The following NCOA1 variants were observed in gnomAD, a reference collection of about 807,000 sequenced individuals.
The protein encoded by NCOA1 is Hin-2 protein.
NCOA1 carries 35 observed loss-of-function variants against 150.9 expected under a neutral mutation model. The observed-to-expected ratio is 0.23, with a 90% CI of 0.18 to 0.31. The LOEUF is 0.31. Ranked by LOEUF, NCOA1 falls within the 10% of genes least tolerant of loss-of-function variation. NCOA1 has a pLI of 1.00. For missense variants in NCOA1, 1,491 were observed against 1,749.3 expected (o/e 0.85, Z 2.63); for synonymous variants, 590 against 630.0 (o/e 0.94, Z 0.95).
In NCOA1 at chr2:24,599,325, T is replaced by A. The variant is rs781247152; in HGVS notation, c.-175+14765T>A. ...GTATCTTCCTATTAAGGGATGTTAT[T>A]CTACTAGGGGAAACTGGCATACTTT... On this transcript the variant is annotated intron_variant, in intron 3 of 22. Coordinates refer to ENST00000348332, the MANE Select transcript of NCOA1 (RefSeq NM_003743.5). 3.0e-4 allele frequency among the ~76,000 whole-genome samples: 46 copies of A among 152,206 alleles called. 1 individual carries two copies. Among genetic ancestry groups the A allele is most frequent in the Admixed American group, 4.6e-4 (7 of 15,278 alleles).
At chr2:24,675,333 ATATCT>A (rs745589520) in intron 7 of NCOA1, among the ~76,000 whole-genome samples, 3 of 152,228 alleles carry the variant, frequency 2.0e-5, no homozygotes, top group South Asian at 2.1e-4. Flanking sequence ...TGAAATCAAA[ATATCT>A]TAAGGAGGCT....
intron 11 of NCOA1, among the ~76,000 whole-genome samples, chr2:24,704,580 C>G (rs969093590): frequency 2.0e-5 from 3 of 152,058 alleles, no homozygotes; most frequent in Non-Finnish European, 4.4e-5. Context: ...AGTTCAAGAC[C>G]AGCCTGACCA....
chr2:24,601,480 G>T (rs1668113713), intron 3 of NCOA1, among the ~76,000 whole-genome samples: 2 of 152,104 alleles, frequency 1.3e-5, no homozygotes. Context: ...CTCCCAAAGT[G>T]CTGGGATTAC....
chr2:24,738,748 C>T (rs1558328428), intron 17 of NCOA1, among the ~76,000 whole-genome samples: 1 of 152,200 alleles, frequency 6.6e-6, no homozygotes, highest in Non-Finnish European at 1.5e-5. Flanking sequence ...GCACAGCATG[C>T]TGTTTTCCCA....
chr2:24,717,026 A>C (rs890140540), intron 14 of NCOA1, among the ~76,000 whole-genome samples: 1 of 152,234 alleles, frequency 6.6e-6, no homozygotes. Context: ...CACCTCACCA[A>C]AGAAGATATA....
intron 1 of NCOA1, among the ~76,000 whole-genome samples, chr2:24,553,444 G>C (rs4635488): frequency 0.84 from 127,949 of 152,108 alleles, 54,678 homozygotes; most frequent in East Asian, 0.99. Context: ...GTCCCAAACT[G>C]CTGACCTCAA....
chr2:24,768,824 G>A lies in NCOA1; in HGVS notation c.*433G>A, dbSNP rs1401741180. The A allele has an allele frequency of 5.3e-5, 12 of 225,184 alleles. 1 individual carries two copies. In the South Asian group the frequency reaches 5.5e-4, roughly 10 times the overall value. The allele number at this position is 225,184 out of a possible 1,614,324, so 13.9% of individuals were successfully genotyped here. On this transcript the variant is annotated 3_prime_UTR_variant, in exon 23 of 23. Coordinates refer to ENST00000348332, the MANE Select transcript of NCOA1 (RefSeq NM_003743.5). ...GGCCCGTGGGGCTTTGCCTGTGCCC[G>A]TCCACCAAAGGCTGTCATGTGTCTC... is the stretch of plus-strand genomic sequence containing the variant.
At chr2:24,606,925 T>G (rs183252187) in intron 3 of NCOA1, among the ~76,000 whole-genome samples, 2 of 152,228 alleles carry the variant, frequency 1.3e-5, no homozygotes, top group Non-Finnish European at 2.9e-5. Flanking sequence ...GAGCAATGCA[T>G]AACTTCTCAA....
At chr2:24,589,950 A>C (rs1027650684) in intron 3 of NCOA1, among the ~76,000 whole-genome samples, 3 of 152,124 alleles carry the variant, frequency 2.0e-5, no homozygotes, top group African/African-American at 4.8e-5. Flanking sequence ...AATTTATATC[A>C]TCTTTCTACC....
At chr2:24,595,812 C>T (rs1334178180) in intron 3 of NCOA1, among the ~76,000 whole-genome samples, 1 of 152,050 alleles carries the variant, frequency 6.6e-6, no homozygotes, top group Admixed American at 6.6e-5. Context: ...GAATACAAAG[C>T]TTTTATGGGC....
chr2:24,601,521 A>G (rs538802508), intron 3 of NCOA1, among the ~76,000 whole-genome samples: 10 of 151,476 alleles, frequency 6.6e-5, no homozygotes, highest in African/African-American at 2.2e-4. Context: ...GGTCAGATCC[A>G]TAACACCTTA....
At chr2:24,599,840 C>G (rs571882947) in intron 3 of NCOA1, among the ~76,000 whole-genome samples, 1 of 150,326 alleles carries the variant, frequency 6.7e-6, no homozygotes, top group Non-Finnish European at 1.5e-5. Context: ...AAGCGATTCT[C>G]GTGCCTCAGC....
chr2:24,664,561 A>C (rs1210811893), intron 5 of NCOA1, among the ~76,000 whole-genome samples: 1 of 152,126 alleles, frequency 6.6e-6, no homozygotes, highest in Non-Finnish European at 1.5e-5. Context: ...TACAAAAATT[A>C]GCCAGGCATG....
At chr2:24,607,664 T>G (rs1175663841) in intron 3 of NCOA1, among the ~76,000 whole-genome samples, 5 of 151,804 alleles carry the variant, frequency 3.3e-5, no homozygotes, top group Admixed American at 6.6e-5. Context: ...CACTCCAGCC[T>G]GGATGACAGA....
intron 1 of NCOA1, among the ~76,000 whole-genome samples, chr2:24,560,054 GCT>G (rs1666236062): frequency 2.0e-5 from 3 of 152,104 alleles, no homozygotes; most frequent in South Asian, 4.1e-4. Flanking sequence ...GATGATGAGG[GCT>G]CTCTCTGGTT....
chr2:24,640,793 T>C (rs952366559), intron 3 of NCOA1, among the ~76,000 whole-genome samples: 1 of 152,238 alleles, frequency 6.6e-6, no homozygotes, highest in Non-Finnish European at 1.5e-5. Flanking sequence ...TCGTGTAATA[T>C]ATTCTTTTCC....
At chr2:24,496,431 T>C (rs992020642) in intron 1 of NCOA1, among the ~76,000 whole-genome samples, 2 of 152,264 alleles carry the variant, frequency 1.3e-5, no homozygotes, top group Non-Finnish European at 2.9e-5. Flanking sequence ...CTTTTACATG[T>C]TCCATTTTCT....
At chr2:24,576,149 GTTTTTTTTTTTTTGTTTTTTGTTTTTTT>G (rs1281056452) in intron 2 of NCOA1, among the ~76,000 whole-genome samples, 6 of 94,026 alleles carry the variant, frequency 6.4e-5, no homozygotes, top group African/African-American at 1.3e-4. Flanking sequence ...TTTGGCCTTT[GTTTTTTTTTTTTTGTTTTTTGTTTTTTT>G]TTTTTTTTTT....
intron 3 of NCOA1, among the ~76,000 whole-genome samples, chr2:24,629,752 G>T (rs1669602299): frequency 1.4e-5 from 2 of 138,220 alleles, no homozygotes; most frequent in African/African-American, 5.3e-5. Context: ...CTGTAGTCTG[G>T]TTATTAATCA....
Sources: allele counts gnomAD v4.1 joint callset (sites outside exome capture counted in the v4.1 genomes callset), GRCh38; gene constraint gnomAD v4.1.1; transcripts MANE v1.5; gene names NCBI Gene and HGNC (gene_info 2026-07-23, HGNC 2026-07-21).